Variants in STRN3 observed in about 807,000 individuals in gnomAD.
STRN3 encodes striatin 3.
A neutral mutation model predicts 95.6 loss-of-function variants in STRN3; 29 were observed. That is an observed-to-expected ratio of 0.30 (90% CI 0.23 to 0.41). STRN3 has a LOEUF of 0.41. Ranked by LOEUF, STRN3 falls within the 10% of genes least tolerant of loss-of-function variation. STRN3 has a pLI of 1.00. For missense variants in STRN3, 890 were observed against 972.1 expected (o/e 0.92, Z 1.12); for synonymous variants, 331 against 357.6 (o/e 0.93, Z 0.84).
At chr14:30,929,447 G>A (rs1030993883) in intron 7 of STRN3, 136 bp from the exon 8 acceptor site, 12 of 660,006 alleles carry the variant, frequency 1.8e-5, no homozygotes, top group Non-Finnish European at 2.8e-5. Context: ...TAAAGGTGCA[G>A]TCTCAGTTCT....
chr14:30,917,679 T>C (rs1896776001), intron 9 of STRN3, among the ~76,000 whole-genome samples: 1 of 151,940 alleles, frequency 6.6e-6, no homozygotes. Flanking sequence ...TTTTCATTCA[T>C]TTTGTTTTGA....
chr14:30,968,748 T>C (rs369672278), intron 1 of STRN3, among the ~76,000 whole-genome samples: 1 of 93,914 alleles, frequency 1.1e-5, no homozygotes, highest in East Asian at 2.4e-4. Context: ...TCTGTGAAAG[T>C]TGTGGAGAAA....
At chr14:30,911,294 A>C in intron 12 of STRN3, 132 bp from the exon 13 acceptor site, 2 of 718,750 alleles carry the variant, frequency 2.8e-6, no homozygotes, top group South Asian at 2.4e-5. Flanking sequence ...CCTGACTGGT[A>C]CTTTTTTTTT....
chr14:30,936,780 T>C (rs896632250), intron 5 of STRN3, among the ~76,000 whole-genome samples, 156 bp from the exon 6 acceptor site: 2 of 152,226 alleles, frequency 1.3e-5, no homozygotes, highest in Non-Finnish European at 2.9e-5. Context: ...TTTGAAAGAT[T>C]TATGTTCTAC....
intron 1 of STRN3, among the ~76,000 whole-genome samples, chr14:30,969,437 CAA>C (rs1006555114): frequency 6.1e-5 from 8 of 131,412 alleles, no homozygotes; most frequent in South Asian, 2.4e-4. Context: ...ACTCTGTCTC[CAA>C]AAAAAAAAAG....
chr14:30,954,349 ACTTATATAT>A (rs1566455512), intron 3 of STRN3, among the ~76,000 whole-genome samples: 1 of 152,192 alleles, frequency 6.6e-6, no homozygotes, highest in Non-Finnish European at 1.5e-5. Flanking sequence ...GGGTATAAAT[ACTTATATAT>A]CTTCTACTAT....
In STRN3 at chr14:30,919,096, C is replaced by G; in HGVS notation, c.1110G>C (p.Arg370Ser). The G allele has an allele frequency of 6.2e-7, 1 of 1,602,844 alleles. No individual in the cohort carries two copies. Among genetic ancestry groups the G allele is most frequent in the South Asian group, 1.1e-5 (1 of 89,466 alleles). Residue 370 changes from arginine (R) to serine (S), a missense_variant, in exon 9 of 18, where the codon AGG becomes AGC. By Grantham distance (110) the Arg-to-Ser change is moderately radical. Coordinates refer to ENST00000357479, the MANE Select transcript of STRN3 (RefSeq NM_001083893.2). Reference protein sequence around the residue: ...KGKKGVKRANRTKLYDMIADL... With the variant: ...KGKKGVKRANSTKLYDMIADL... Reference sequence around the variant, plus strand: ...CAGCTATCATGTCGTAGAGTTTTGTCCTGTTGGCCCCTGTAAATTAATGTC... The same window carrying G: ...CAGCTATCATGTCGTAGAGTTTTGTGCTGTTGGCCCCTGTAAATTAATGTC...
At chr14:30,906,182 T>A (rs1044141314) in intron 14 of STRN3, among the ~76,000 whole-genome samples, 1 of 152,140 alleles carries the variant, frequency 6.6e-6, no homozygotes, top group Non-Finnish European at 1.5e-5. Context: ...CAGAAACAAA[T>A]ACCTAAATGA....
At chr14:30,900,840 TAATA>T (rs1746752668) in intron 16 of STRN3, among the ~76,000 whole-genome samples, 1 of 151,728 alleles carries the variant, frequency 6.6e-6, no homozygotes, top group Non-Finnish European at 1.5e-5. Context: ...TTAACAGAAA[TAATA>T]AATAGGTGAA....
chr14:30,960,794 G>C (rs929888129), intron 1 of STRN3, among the ~76,000 whole-genome samples: 1 of 146,730 alleles, frequency 6.8e-6, no homozygotes, highest in African/African-American at 2.5e-5. Context: ...GCGTGAACCC[G>C]AGAGGCGGAG....
At chr14:30,925,130 A>G (rs1896991284) in intron 8 of STRN3, among the ~76,000 whole-genome samples, 2 of 151,362 alleles carry the variant, frequency 1.3e-5, no homozygotes, top group South Asian at 4.2e-4. Flanking sequence ...CATCTCAATT[A>G]TATTGTATAT....
intron 1 of STRN3, among the ~76,000 whole-genome samples, chr14:30,969,954 A>AAAGG (rs1355513003): frequency 2.0e-5 from 3 of 152,150 alleles, no homozygotes; most frequent in Admixed American, 6.5e-5. Flanking sequence ...GTACAGCGAA[A>AAAGG]AAGGGATGGA....
chr14:30,911,620 T>C (rs1896612227), intron 12 of STRN3, among the ~76,000 whole-genome samples, 157 bp downstream of exon 12: 1 of 152,126 alleles, frequency 6.6e-6, no homozygotes, highest in East Asian at 1.9e-4. Flanking sequence ...TACTATTATA[T>C]TCATAGTCTC....
Position 30,956,261 on chromosome 14 carries a change from C to G in STRN3, c.283-19G>C, listed in dbSNP as rs1879897943. 6.2e-7 allele frequency: 1 copy of G among 1,601,926 alleles called. No homozygotes were observed. The highest frequency in any genetic ancestry group is 8.5e-7 in the Non-Finnish European group (1 of 1,170,266). On this transcript the variant is annotated intron_variant, in intron 1 of 17. Transcript: ENST00000357479. ...TCCGGGCCTAAAAATATAAAAGATG[C>G]ATTTATTTACATTTTCCCTTAACCA...
intron 8 of STRN3, 44 bp downstream of exon 8, chr14:30,929,157 A>G (rs748539029): frequency 3.5e-5 from 53 of 1,504,154 alleles, no homozygotes; most frequent in Non-Finnish European, 4.4e-5. Flanking sequence ...TTTTTTCTCA[A>G]TTATTGGTAT....
intron 1 of STRN3, among the ~76,000 whole-genome samples, chr14:31,000,798 A>T (rs1272091208): frequency 1.3e-5 from 2 of 152,120 alleles, no homozygotes; most frequent in African/African-American, 2.4e-5. Flanking sequence ...TATTTTATTT[A>T]TAGTGGCTGG....
At position 30,936,635 on chromosome 14, in the gene STRN3, G is replaced by C. The variant is rs368690978; in HGVS notation, c.717-11C>G. 3.3e-5 allele frequency: 53 copies of C among 1,591,632 alleles called. No individual in the cohort carries two copies. Among genetic ancestry groups the C allele is most frequent in the Non-Finnish European group, 4.3e-5 (50 of 1,173,990 alleles). Reference sequence around the variant, plus strand: ...ACATCACCAGAGGACCTGTGCGAAGGAAAAAAAGATAAATCCAACTATTCC... The same window carrying C: ...ACATCACCAGAGGACCTGTGCGAAGCAAAAAAAGATAAATCCAACTATTCC... On this transcript the variant is annotated splice_polypyrimidine_tract_variant and intron_variant, in intron 5 of 17. Transcript: ENST00000357479.
chr14:31,001,254 A>G (rs778395518), intron 1 of STRN3, among the ~76,000 whole-genome samples: 2 of 152,216 alleles, frequency 1.3e-5, no homozygotes, highest in Non-Finnish European at 2.9e-5. Context: ...AAAAAGCAGC[A>G]GCCAAATGCA....
At chr14:30,981,608 C>CA (rs1881404718) in intron 1 of STRN3, among the ~76,000 whole-genome samples, 1 of 79,422 alleles carries the variant, frequency 1.3e-5, no homozygotes, top group Non-Finnish European at 2.8e-5. Flanking sequence ...ACACACACAC[C>CA]CCATAATTCA....
Sources: gnomAD v4.1 joint callset for allele counts (sites outside exome capture counted in the v4.1 genomes callset) on GRCh38, gnomAD v4.1.1 for gene constraint, MANE v1.5 for transcripts, NCBI Gene and HGNC (gene_info 2026-07-23, HGNC 2026-07-21) for gene names.